The following HSP90B1 variants were observed in gnomAD, a reference collection of about 807,000 sequenced individuals.
The protein encoded by HSP90B1 is endoplasmin.
A neutral mutation model predicts 100.4 loss-of-function variants in HSP90B1; 27 were observed. The observed-to-expected ratio is 0.27, with a 90% confidence interval of 0.20 to 0.37. HSP90B1 has a LOEUF of 0.37. Among genes scored for constraint, HSP90B1 ranks in the 10% least tolerant of loss-of-function variants. The probability of loss-of-function intolerance (pLI) is 1.00; values close to 1 mark genes in which losing one functional copy is unlikely to be tolerated. For missense variants in HSP90B1, 678 were observed against 960.5 expected (o/e 0.71, Z 3.89); for synonymous variants, 304 against 330.8 (o/e 0.92, Z 0.88).
rs1453507568 is a variant in HSP90B1, at chr12:103,943,537, GTATT to G, written c.1891-198_1891-195del. 1.4e-6 allele frequency: 1 copy of G among 689,836 alleles called. No homozygotes were observed. Among genetic ancestry groups the G allele is most frequent in the Non-Finnish European group, 2.3e-6 (1 of 428,522 alleles). 42.7% of individuals were successfully genotyped at this position (689,836 alleles called of 1,614,324 possible). On this transcript the variant is annotated intron_variant, in intron 13 of 17. Transcript: ENST00000299767. The surrounding 1 kb of genome is among the most constrained non-coding windows in gnomAD (Gnocchi z 5.3). ...TTAAATTTTATGTTTTTAAAAGGTG[GTATT>G]TAAACTTCTGACTAGAAAATTCAGA...
chr12:103,940,344 T>TTTC (rs956239847), intron 8 of HSP90B1, among the ~76,000 whole-genome samples: 1 of 152,044 alleles, frequency 6.6e-6, no homozygotes, highest in African/African-American at 2.4e-5. Context: ...TGTTTTTTTT[T>TTTC]TTCTTCTTCT....
intron 14 of HSP90B1, among the ~76,000 whole-genome samples, chr12:103,945,485 T>C (rs1870199859): frequency 6.6e-6 from 1 of 152,136 alleles, no homozygotes. Context: ...ATATTCAAAA[T>C]GCATTTGGAA....
In HSP90B1 at chr12:103,930,410, A is replaced by C; in HGVS notation, c.-106A>C. 1.0e-6 allele frequency: 1 copy of C among 976,386 alleles called. No individual in the cohort carries two copies. Among genetic ancestry groups the C allele is most frequent in the Non-Finnish European group, 1.5e-6 (1 of 672,286 alleles). The allele number at this position is 976,386 out of a possible 1,614,324, so 60.5% of individuals were successfully genotyped here. A position where few individuals can be genotyped will look rare whatever the true frequency, so the allele number is the denominator to read the frequency against. On this transcript the variant is annotated 5_prime_UTR_variant, in exon 1 of 18. Coordinates refer to ENST00000299767, the MANE Select transcript of HSP90B1 (RefSeq NM_003299.3). The surrounding 1 kb of genome is among the most constrained non-coding windows in gnomAD (Gnocchi z 4.4). Reference sequence around the variant, plus strand: ...AAGCGGCCCGACCTGCTTGCGGTGTAGTGGGCGGACCGCGCGGCTGGAGGT... The same window carrying C: ...AAGCGGCCCGACCTGCTTGCGGTGTCGTGGGCGGACCGCGCGGCTGGAGGT...
intron 7 of HSP90B1, among the ~76,000 whole-genome samples, chr12:103,939,270 T>G (rs1358404341): frequency 4.4e-4 from 7 of 16,012 alleles, no homozygotes; most frequent in Non-Finnish European, 7.9e-4. Flanking sequence ...TGGCTAAGTT[T>G]TAAAAATTTT....
At chr12:103,947,189 A>G (rs879166687) in intron 16 of HSP90B1, 122 bp from the exon 17 acceptor site, 2 of 1,319,984 alleles carry the variant, frequency 1.5e-6, no homozygotes, top group Non-Finnish European at 2.1e-6. Flanking sequence ...CATTCTAGTT[A>G]AGAGGATTTA....
intron 6 of HSP90B1, 29 bp downstream of exon 6, chr12:103,937,835 T>G: frequency 9.2e-7 from 1 of 1,086,346 alleles, no homozygotes; most frequent in Non-Finnish European, 1.4e-6. Flanking sequence ...AAAACTTATA[T>G]GTATTACCTT....
intron 5 of HSP90B1, among the ~76,000 whole-genome samples, chr12:103,934,657 G>A (rs1372719529): frequency 6.6e-6 from 1 of 152,204 alleles, no homozygotes; most frequent in Non-Finnish European, 1.5e-5. Context: ...TAGATGAACA[G>A]AGTTCTTTTC....
At chr12:103,931,683 T>C (rs1341290566) in intron 2 of HSP90B1, 60 bp downstream of exon 2, 1 of 1,159,742 alleles carries the variant, frequency 8.6e-7, no homozygotes, top group East Asian at 2.4e-5. Context: ...TGAGTTACGG[T>C]CACTTCTTAT....
In HSP90B1 at chr12:103,941,507, T is replaced by C. The variant is rs1215782880; in HGVS notation, c.1190T>C (p.Leu397Pro). The change falls in exon 9 of 18, where the codon CTG becomes CCG. Residue 397 changes from leucine to proline, a missense_variant. By Grantham distance (98) the Leu-to-Pro change is moderately conservative. Transcript: ENST00000299767. ...LFVPTSAPRG[L>P]FDEYGSKKSD... Reference sequence around the variant, plus strand: ...GTACCCACATCTGCTCCACGTGGTCTGTTTGACGAATATGGATCTAAAAAG... The same window carrying C: ...GTACCCACATCTGCTCCACGTGGTCCGTTTGACGAATATGGATCTAAAAAG... 1.9e-6 allele frequency: 3 copies of C among 1,614,144 alleles called. No individual in the cohort carries two copies. Among genetic ancestry groups the C allele is most frequent in the Non-Finnish European group, 2.5e-6 (3 of 1,180,010 alleles).
In HSP90B1 at chr12:103,946,967, A is replaced by AGGCT. The variant is rs780381500; in HGVS notation, c.2262+35_2262+38dup. 3.8e-6 allele frequency: 6 copies of AGGCT among 1,596,578 alleles called. No homozygotes were observed. In the South Asian group the frequency reaches 4.6e-5, roughly 12 times the overall value. ...GTTTGTATCCCCAACCTTCCCGCAA[A>AGGCT]GGCTGGCTGGCTTTCTTTGTTTCTG... On this transcript the variant is annotated intron_variant, in intron 16 of 17. Transcript: ENST00000299767.
At position 103,937,739 on chromosome 12, in the gene HSP90B1, C is replaced by A. The variant is rs946752566; in HGVS notation, c.788C>A (p.Thr263Lys). 2 of 1,600,090 alleles carry A rather than the reference C, an allele frequency of 1.2e-6. No homozygotes were observed. Among genetic ancestry groups the A allele is most frequent in the Non-Finnish European group, 1.7e-6 (2 of 1,168,654 alleles). The change falls in exon 6 of 18, where the codon ACA (threonine) becomes AAA (lysine). Residue 263 changes from threonine (T) to lysine (K), a missense_variant. Transcript: ENST00000299767. ...GCATCTGATTACCTTGAATTGGATACAATTAAAAATCTCGTCAAAAAATAT... is the reference window on the plus strand; with the variant it reads ...GCATCTGATTACCTTGAATTGGATAAAATTAAAAATCTCGTCAAAAAATAT... ...EEASDYLELDTIKNLVKKYSQ... is the reference protein window; with the variant it reads ...EEASDYLELDKIKNLVKKYSQ...
chr12:103,943,702 G>C lies in HSP90B1; in HGVS notation c.1891-36G>C, dbSNP rs1870144463. ...CAATTGCTCAATGACCTTACCTGTT[G>C]ATATTAATTTATATGACTTGATTTC... On this transcript the variant is annotated intron_variant, in intron 13 of 17. Coordinates refer to ENST00000299767, the MANE Select transcript of HSP90B1 (RefSeq NM_003299.3). The surrounding 1 kb of genome is among the most constrained non-coding windows in gnomAD (Gnocchi z 5.3). 6.3e-7 allele frequency: 1 copy of C among 1,595,646 alleles called. No homozygotes were observed. Among genetic ancestry groups the C allele is most frequent in the East Asian group, 2.2e-5 (1 of 44,760 alleles).
rs200731731 is a variant in HSP90B1, at chr12:103,930,520, G to A, written c.5G>A (p.Arg2Lys). The A allele has an allele frequency of 2.5e-6, 4 of 1,608,174 alleles. No individual in the cohort carries two copies. The highest frequency in any genetic ancestry group is 1.7e-4 in the Middle Eastern group (1 of 5,966). Residue 2 changes from arginine (R) to lysine (K), a missense_variant, in exon 1 of 18, where the codon AGG (arginine) becomes AAG (lysine). Physicochemically the swap from Arg to Lys is conservative, Grantham distance 26. Transcript: ENST00000299767. This position sits in a 1 kb window ranked among gnomAD's most constrained non-coding sequence, Gnocchi z 4.4. M[R>K]ALWVLGLCCV... ...GAGACTCACCGGCCGCACGCCATGA[G>A]GGCCCTGTGGGTGCTGGGCCTCTGC...
At chr12:103,944,717 C>T (rs750537345) in intron 14 of HSP90B1, among the ~76,000 whole-genome samples, 1 of 152,056 alleles carries the variant, frequency 6.6e-6, no homozygotes, top group East Asian at 1.9e-4. Context: ...TCAGCACACC[C>T]GCTAATTTTT....
At chr12:103,945,832 T>C (rs2583264) in intron 14 of HSP90B1, among the ~76,000 whole-genome samples, 62,343 of 151,962 alleles carry the variant, frequency 0.41, 14,041 homozygotes, top group African/African-American at 0.59. Context: ...GTGTGTAATC[T>C]CAACACTTTG....
intron 1 of HSP90B1, 93 bp from the exon 2 acceptor site, chr12:103,931,428 C>T: frequency 1.2e-6 from 1 of 823,378 alleles, no homozygotes; most frequent in Non-Finnish European, 2.0e-6. Context: ...CCCTTAGTTA[C>T]CAACTGAATT....
intron 7 of HSP90B1, 150 bp from the exon 8 acceptor site, chr12:103,939,359 T>A: frequency 2.8e-6 from 1 of 361,104 alleles, no homozygotes; most frequent in South Asian, 5.3e-5. Flanking sequence ...TACCCTAACC[T>A]CCCAAAGTGC....
intron 5 of HSP90B1, among the ~76,000 whole-genome samples, chr12:103,937,330 G>A (rs1869947060): frequency 6.6e-6 from 1 of 152,156 alleles, no homozygotes; most frequent in African/African-American, 2.4e-5. Flanking sequence ...ATAATCATTA[G>A]GTTTCTGGAA....
intron 5 of HSP90B1, among the ~76,000 whole-genome samples, chr12:103,936,571 T>C (rs79289539): frequency 0.087 from 12,575 of 145,336 alleles, 819 homozygotes; most frequent in East Asian, 0.32. Context: ...TGCTTGAGCC[T>C]GGCAGGTCAA....
Sources: allele counts gnomAD v4.1 joint callset (sites outside exome capture counted in the v4.1 genomes callset), GRCh38; gene constraint gnomAD v4.1.1; non-coding constraint Gnocchi (gnomAD v3.1); transcripts MANE v1.5; gene names NCBI Gene and HGNC (gene_info 2026-07-23, HGNC 2026-07-21).